GP6: variants seen among roughly 807,000 people sequenced by gnomAD.
GP6 encodes platelet glycoprotein VI.
In GP6, 45 loss-of-function variants were observed where a neutral mutation model predicts 37.3. The ratio of observed to expected loss-of-function variants is 1.21; its 90% CI spans 0.95 to 1.55. The LOEUF (loss-of-function observed/expected upper bound fraction) is 1.55. GP6 is among the 40% of genes most tolerant of loss of function. The probability of loss-of-function intolerance (pLI) is 0.00; values close to 1 mark genes in which losing one functional copy is unlikely to be tolerated. For missense variants in GP6, 813 were observed against 760.2 expected, an observed-to-expected ratio of 1.07 and a Z score of -0.82; for synonymous variants, 340 against 316.4, an observed-to-expected ratio of 1.07 and a Z score of -0.79.
At position 55,014,325 on chromosome 19, in the gene GP6, G is replaced by A; in HGVS notation, c.1620C>T (p.Ser540=). The change falls in exon 8 of 8, where the codon AGC becomes AGT. Residue 540 remains serine, a synonymous_variant. Coordinates refer to ENST00000310373, the MANE Select transcript of GP6 (RefSeq NM_001083899.2). ...GATGAGGTTTCACCATGTTGCACAG[G>A]CTGATCTTGTTTTCTAATGTGAAGG... 1.9e-6 allele frequency: 3 copies of A among 1,592,564 alleles called. No individual in the cohort carries two copies. The highest frequency in any genetic ancestry group is 2.6e-6 in the Non-Finnish European group (3 of 1,161,442).
chr19:55,036,073 TAA>T (rs34534412), intron 1 of GP6, among the ~76,000 whole-genome samples: 20,004 of 134,982 alleles, frequency 0.15, 1,531 homozygotes, highest in Middle Eastern at 0.28. Flanking sequence ...ATTCCGTCTT[TAA>T]AAAAAAAAAA....
chr19:55,031,736 T>C (rs1360943661), intron 3 of GP6, among the ~76,000 whole-genome samples: 1 of 152,110 alleles, frequency 6.6e-6, no homozygotes, highest in African/African-American at 2.4e-5. Context: ...CTGAGCAACA[T>C]AGCGAGACCC....
At chr19:55,035,248 G>A (rs1205240715) in intron 1 of GP6, among the ~76,000 whole-genome samples, 1 of 151,986 alleles carries the variant, frequency 6.6e-6, no homozygotes, top group Non-Finnish European at 1.5e-5. Flanking sequence ...ACTTACAGGA[G>A]TAGAGAGCAC....
chr19:55,037,425 C>T (rs988153545), intron 1 of GP6, among the ~76,000 whole-genome samples: 17 of 151,584 alleles, frequency 1.1e-4, no homozygotes, highest in African/African-American at 3.9e-4. Flanking sequence ...GCAACCTCCA[C>T]CTCCCAGGTT....
intron 6 of GP6, among the ~76,000 whole-genome samples, chr19:55,016,509 G>C (rs1274392670): frequency 6.7e-6 from 1 of 148,980 alleles, no homozygotes; most frequent in Non-Finnish European, 1.5e-5. Flanking sequence ...CCGAGTAGCT[G>C]GGACTACAGG....
chr19:55,015,686 C>G lies in GP6; in HGVS notation c.772G>C (p.Ala258Pro), dbSNP rs2073846923. ...CTGGAGAGGATGACTTACTCACCAG[C>G]TGGAGAGTCTGACTCCTTTGGACTG... Residue 258 changes from alanine (A) to proline (P), a missense_variant, in exon 7 of 8, where the codon GCT becomes CCT. Physicochemically the swap from Ala to Pro is conservative, Grantham distance 27 (BLOSUM62 -1). Transcript: ENST00000310373. The G allele has an allele frequency of 6.4e-7, 1 of 1,565,908 alleles. No homozygotes were observed. Among genetic ancestry groups the G allele is most frequent in the East Asian group, 2.2e-5 (1 of 44,660 alleles).
chr19:55,037,447 C>T (rs913881304), intron 1 of GP6, among the ~76,000 whole-genome samples: 1 of 151,548 alleles, frequency 6.6e-6, no homozygotes, highest in Admixed American at 6.6e-5. Context: ...AAGCGATTCT[C>T]CTGCCTTAGC....
chr19:55,021,201 G>GA (rs71181727), intron 5 of GP6, among the ~76,000 whole-genome samples: 85,310 of 127,350 alleles, frequency 0.67, 28,441 homozygotes, highest in Non-Finnish European at 0.69. Context: ...TCTACTAAAA[G>GA]AAAAAAAAAA....
chr19:55,037,427 TC>T, intron 1 of GP6, among the ~76,000 whole-genome samples: 1 of 148,628 alleles, frequency 6.7e-6, no homozygotes, highest in Non-Finnish European at 1.5e-5. Flanking sequence ...AACCTCCACC[TC>T]CCAGGTTCAA....
rs140247854 is a variant in GP6, at chr19:55,032,559, C to T, written c.35-21G>A. ...CAGCCCTGAGGAAAGAAGAAAGGGA[C>T]CAGATGCCAGGACTCGCTTTTATGG... On this transcript the variant is annotated intron_variant, in intron 1 of 7. Coordinates refer to ENST00000310373, the MANE Select transcript of GP6 (RefSeq NM_001083899.2). The T allele has an allele frequency of 3.4e-4, 541 of 1,613,252 alleles. 4 individuals are homozygous for T. The Admixed American group carries it at 3.4e-3, about 10-fold the overall frequency.
chr19:55,032,038 G>A, intron 3 of GP6, 101 bp downstream of exon 3: 1 of 1,185,480 alleles, frequency 8.4e-7, no homozygotes, highest in African/African-American at 1.5e-5. Flanking sequence ...CTAGGCCAGT[G>A]CCTCGTTTGC....
chr19:55,016,837 C>T (rs1321575202), intron 6 of GP6, among the ~76,000 whole-genome samples: 15 of 151,636 alleles, frequency 9.9e-5, no homozygotes, highest in Admixed American at 2.0e-4. Flanking sequence ...GGGCGGATCA[C>T]CTGAGGTCAA....
chr19:55,015,715 G>T lies in GP6; in HGVS notation c.743C>A (p.Thr248Asn). The change falls in exon 7 of 8, where the codon ACC (threonine) becomes AAC (asparagine). Residue 248 changes from threonine (T) to asparagine (N), a missense_variant. Thr to Asn is a moderately conservative substitution (Grantham distance 65). Coordinates refer to ENST00000310373, the MANE Select transcript of GP6 (RefSeq NM_001083899.2). ...AGAGTCTGACTCCTTTGGACTGGCG[G>T]TGATACTCCTAGAAGTCTCTGGGAA... 2 of 1,563,856 alleles carry T rather than the reference G, an allele frequency of 1.3e-6. No homozygotes were observed. Among genetic ancestry groups the T allele is most frequent in the Non-Finnish European group, 1.8e-6 (2 of 1,133,792 alleles).
intron 3 of GP6, among the ~76,000 whole-genome samples, chr19:55,031,275 T>G (rs988653245): frequency 6.6e-6 from 1 of 152,186 alleles, no homozygotes; most frequent in Non-Finnish European, 1.5e-5. Flanking sequence ...AACAAAGTTT[T>G]AAAAAGAATC....
chr19:55,028,505 C>G (rs913353206), intron 3 of GP6, among the ~76,000 whole-genome samples: 26 of 152,120 alleles, frequency 1.7e-4, no homozygotes, highest in Admixed American at 1.7e-3. Context: ...TAAGTATTCT[C>G]ACACACAAAA....
intron 1 of GP6, among the ~76,000 whole-genome samples, chr19:55,035,590 G>C (rs1032702375): frequency 3.9e-5 from 6 of 152,050 alleles, no homozygotes; most frequent in Admixed American, 3.9e-4. Flanking sequence ...AGTGGCAGGA[G>C]CCTGTAATCC....
At chr19:55,029,935 G>T (rs762687597) in intron 3 of GP6, among the ~76,000 whole-genome samples, 5 of 152,058 alleles carry the variant, frequency 3.3e-5, no homozygotes, top group African/African-American at 1.2e-4. Context: ...GATTTATAAC[G>T]CGGAATAGAC....
rs1301271354 is a variant in GP6 at position 55,035,719 on chromosome 19, AAAATAAAAAT to A, written c.34+2474_34+2483del. 8.5e-5 allele frequency among the ~76,000 whole-genome samples: 13 copies of A among 152,138 alleles called. No homozygotes were observed. The South Asian group carries it at 1.5e-3, about 17-fold the overall frequency. On this transcript the variant is annotated intron_variant, in intron 1 of 7. Transcript: ENST00000310373. ...GCAACAGAGTGAGACTCCATGTCAA[AAAATAAAAAT>A]AAATAAAAATAAATGAGCGTGGAAT... is the stretch of plus-strand genomic sequence containing the variant.
In GP6 at chr19:55,013,948, C is replaced by T. The variant is rs979204658; in HGVS notation, c.*134G>A. On this transcript the variant is annotated 3_prime_UTR_variant, in exon 8 of 8. Coordinates refer to ENST00000310373, the MANE Select transcript of GP6 (RefSeq NM_001083899.2). ...TTACCTTGAGAAGACCTAACATTTC[C>T]TTCAGAAAGTAAATATGAGAGGGGT... is the stretch of plus-strand genomic sequence containing the variant. The T allele has an allele frequency of 8.9e-5, 36 of 405,490 alleles. No homozygotes were observed. Among genetic ancestry groups the T allele is most frequent in the African/African-American group, 5.4e-4 (26 of 48,358 alleles). 25.1% of individuals were successfully genotyped at this position (405,490 alleles called of 1,614,324 possible). A position where few individuals can be genotyped will look rare whatever the true frequency, so the allele number is the denominator to read the frequency against.
Sources: allele counts gnomAD v4.1 joint callset (sites outside exome capture counted in the v4.1 genomes callset), GRCh38; gene constraint gnomAD v4.1.1; transcripts MANE v1.5; gene names NCBI Gene and HGNC (gene_info 2026-07-23, HGNC 2026-07-21).